The following PPM1G variants were observed in gnomAD, a reference collection of about 807,000 sequenced individuals.
PPM1G encodes protein phosphatase 1G.
PPM1G carries 12 observed loss-of-function variants against 59.4 expected under a neutral mutation model. The ratio of observed to expected loss-of-function variants is 0.20; its 90% CI spans 0.13 to 0.33. The LOEUF (loss-of-function observed/expected upper bound fraction) is 0.33. Among genes scored for constraint, PPM1G ranks in the 10% least tolerant of loss-of-function variants. The pLI is 1.00. For missense variants in PPM1G, 392 were observed against 681.3 expected (o/e 0.58, Z 4.73); for synonymous variants, 245 against 251.9 (o/e 0.97, Z 0.26).
intron 1 of PPM1G, among the ~76,000 whole-genome samples, chr2:27,390,559 C>A (rs1185506076): frequency 6.6e-6 from 1 of 152,096 alleles, no homozygotes; most frequent in Non-Finnish European, 1.5e-5. Flanking sequence ...ATCTCAACAA[C>A]AACAACAACA....
Position 27,383,352 on chromosome 2 carries a change from T to A in PPM1G, c.1201+14A>T. 6.2e-7 allele frequency: 1 copy of A among 1,610,744 alleles called. No homozygotes were observed. Among genetic ancestry groups the A allele is most frequent in the Non-Finnish European group, 8.5e-7 (1 of 1,177,014 alleles). On this transcript the variant is annotated intron_variant, in intron 7 of 9. Transcript: ENST00000344034. The surrounding 1 kb of genome is among the most constrained non-coding windows in gnomAD (Gnocchi z 5.0). ...AAAGACCCTAGAAGTCTTTCCCAGT[T>A]TCTTGGCCCTTACCAATGGCTCTGG...
At chr2:27,396,225 T>C (rs1042977378) in intron 1 of PPM1G, among the ~76,000 whole-genome samples, 3 of 151,922 alleles carry the variant, frequency 2.0e-5, no homozygotes, top group Admixed American at 6.6e-5. Context: ...TGAGCAGAGA[T>C]GGTGCCACTG....
At position 27,382,231 on chromosome 2, in the gene PPM1G, G is replaced by C; in HGVS notation, c.1332-3C>G. On this transcript the variant is annotated splice_polypyrimidine_tract_variant and splice_region_variant and intron_variant, in intron 8 of 9. Coordinates refer to ENST00000344034, the MANE Select transcript of PPM1G (RefSeq NM_177983.3). This position sits in a 1 kb window ranked among gnomAD's most constrained non-coding sequence, Gnocchi z 4.2. ...CTTCCTGGCTGCTCATCACATTCCTGGGGTCAAGAACAACAGTCAGAATCT... is the reference window on the plus strand; with the variant it reads ...CTTCCTGGCTGCTCATCACATTCCTCGGGTCAAGAACAACAGTCAGAATCT... 1 of 1,613,616 alleles carries C rather than the reference G, an allele frequency of 6.2e-7. No homozygotes were observed. Among genetic ancestry groups the C allele is most frequent in the Non-Finnish European group, 8.5e-7 (1 of 1,179,542 alleles).
At position 27,383,026 on chromosome 2, in the gene PPM1G, G is replaced by T. The variant is rs1366178326; in HGVS notation, c.1201+340C>A. ...TTTTTTTTTTTTTTTAGTAGAGATG[G>T]GGTTTCACCATGTTGGCCAGGCTGG... On this transcript the variant is annotated intron_variant, in intron 7 of 9. Transcript: ENST00000344034. This position sits in a 1 kb window ranked among gnomAD's most constrained non-coding sequence, Gnocchi z 5.0. Among the ~76,000 whole-genome samples the T allele has an allele frequency of 6.6e-6, 1 of 151,294 alleles. No individual in the cohort carries two copies. The highest frequency in any genetic ancestry group is 6.6e-5 in the Admixed American group (1 of 15,198).
At position 27,409,459 on chromosome 2, in the gene PPM1G, C is replaced by G. The variant is rs952746005; in HGVS notation, c.-37G>C. 2 of 1,470,600 alleles carry G rather than the reference C, an allele frequency of 1.4e-6. No individual in the cohort carries two copies. The highest frequency in any genetic ancestry group is 3.0e-5 in the East Asian group (1 of 33,776). 91.1% of individuals were successfully genotyped at this position (1,470,600 alleles called of 1,614,324 possible). A position where few individuals can be genotyped will look rare whatever the true frequency, so the allele number is the denominator to read the frequency against. The stretch of plus-strand genomic sequence containing the variant: ...GCCGGCGGCCTCAGGTGCAGGAAAG[C>G]TGGGCGCGACCCGTGCCGGAGCCGA... On this transcript the variant is annotated 5_prime_UTR_variant, in exon 1 of 10. Transcript: ENST00000344034.
intron 1 of PPM1G, among the ~76,000 whole-genome samples, chr2:27,399,151 A>G (rs1684123366): frequency 6.6e-6 from 1 of 151,694 alleles, no homozygotes; most frequent in Non-Finnish European, 1.5e-5. Context: ...GACCAAAACA[A>G]CAACAACAAC....
rs1356636244 is a variant in PPM1G, at chr2:27,382,282, G to A, written c.1332-54C>T. 1.9e-6 allele frequency: 3 copies of A among 1,586,926 alleles called. No homozygotes were observed. The highest frequency in any genetic ancestry group is 8.7e-7 in the Non-Finnish European group (1 of 1,155,788). On this transcript the variant is annotated intron_variant, in intron 8 of 9. Transcript: ENST00000344034. The surrounding 1 kb of genome is among the most constrained non-coding windows in gnomAD (Gnocchi z 4.2). ...TCCAGTCTCACTAAGGCAGCGTAGA[G>A]GAGTATGGACAGAGGTGGTGGCCCA...
chr2:27,406,040 C>G (rs1663354727), intron 1 of PPM1G, among the ~76,000 whole-genome samples: 1 of 152,000 alleles, frequency 6.6e-6, no homozygotes, highest in Non-Finnish European at 1.5e-5. Context: ...ACAACAACAC[C>G]CTGGTCACAC....
intron 1 of PPM1G, 30 bp downstream of exon 1, chr2:27,409,273 C>A (rs1348278273): frequency 6.5e-7 from 1 of 1,545,814 alleles, no homozygotes; most frequent in Non-Finnish European, 8.7e-7. Flanking sequence ...CGCCCCGCAG[C>A]GGCCAGCCTA....
At chr2:27,405,774 G>A (rs1364896599) in intron 1 of PPM1G, among the ~76,000 whole-genome samples, 4 of 151,680 alleles carry the variant, frequency 2.6e-5, no homozygotes, top group Non-Finnish European at 5.9e-5. Flanking sequence ...AGGCAGAGGC[G>A]GGCCGATCAC....
Position 27,383,285 on chromosome 2 carries a change from A to G in PPM1G, c.1201+81T>C. Reference sequence around the variant, plus strand: ...AAGTGCTTTGAAAGGCACAAGCACTAGGAAGATTAAAGTTTGCTACTAGGT... The same window carrying G: ...AAGTGCTTTGAAAGGCACAAGCACTGGGAAGATTAAAGTTTGCTACTAGGT... On this transcript the variant is annotated intron_variant, in intron 7 of 9. Coordinates refer to ENST00000344034, the MANE Select transcript of PPM1G (RefSeq NM_177983.3). The surrounding 1 kb of genome is among the most constrained non-coding windows in gnomAD (Gnocchi z 5.0). The G allele has an allele frequency of 7.9e-7, 1 of 1,263,282 alleles. No individual in the cohort carries two copies. The highest frequency in any genetic ancestry group is 1.1e-6 in the Non-Finnish European group (1 of 875,418). The allele number at this position is 1,263,282 out of a possible 1,614,324, so 78.3% of individuals were successfully genotyped here.
At chr2:27,396,140 C>T (rs753923366) in intron 1 of PPM1G, among the ~76,000 whole-genome samples, 33 of 152,040 alleles carry the variant, frequency 2.2e-4, no homozygotes, top group Non-Finnish European at 1.2e-4. Flanking sequence ...GGTGTTGTGG[C>T]GAGCACCTGT....
chr2:27,390,445 G>A (rs1330355788), intron 1 of PPM1G, among the ~76,000 whole-genome samples: 16 of 152,054 alleles, frequency 1.1e-4, no homozygotes, highest in Admixed American at 7.2e-4. Context: ...CCAAATAGCC[G>A]TTTTGGCAAT....
chr2:27,403,007 C>T (rs1288813062), intron 1 of PPM1G, among the ~76,000 whole-genome samples: 2 of 151,010 alleles, frequency 1.3e-5, no homozygotes, highest in Non-Finnish European at 2.9e-5. Flanking sequence ...GAAGGCTATG[C>T]AGTGAACTAT....
chr2:27,390,672 T>C (rs1329347640), intron 1 of PPM1G, among the ~76,000 whole-genome samples: 2 of 152,226 alleles, frequency 1.3e-5, no homozygotes, highest in Non-Finnish European at 2.9e-5. Context: ...ATGTTTATTT[T>C]AGAATCACAG....
At position 27,385,149 on chromosome 2, in the gene PPM1G, T is replaced by G; in HGVS notation, c.410-61A>C. On this transcript the variant is annotated intron_variant, in intron 4 of 9. Transcript: ENST00000344034. The surrounding 1 kb of genome is among the most constrained non-coding windows in gnomAD (Gnocchi z 4.1). ...AGACTCCTCATGGGATCCGTCCCTC[T>G]CACTACCTCAACAGCCCTTGCAGCC... 1 of 1,505,478 alleles carries G rather than the reference T, an allele frequency of 6.6e-7. No homozygotes were observed. The highest frequency in any genetic ancestry group is 8.8e-7 in the Non-Finnish European group (1 of 1,132,620). The allele number at this position is 1,505,478 out of a possible 1,614,324, so 93.3% of individuals were successfully genotyped here. A position where few individuals can be genotyped will look rare whatever the true frequency, so the allele number is the denominator to read the frequency against.
chr2:27,407,921 C>T (rs1340886766), intron 1 of PPM1G, among the ~76,000 whole-genome samples: 1 of 152,082 alleles, frequency 6.6e-6, no homozygotes, highest in South Asian at 2.1e-4. Context: ...GTGGCACATG[C>T]CTGTAATCCC....
intron 1 of PPM1G, among the ~76,000 whole-genome samples, chr2:27,406,638 G>A (rs548976713): frequency 6.6e-6 from 1 of 152,236 alleles, no homozygotes; most frequent in South Asian, 2.1e-4. Flanking sequence ...TCTAATTGAG[G>A]AGAAACCAAA....
At chr2:27,392,870 T>C (rs1205464917) in intron 1 of PPM1G, 2 of 1,450,692 alleles carry the variant, frequency 1.4e-6, no homozygotes, top group South Asian at 1.1e-5. Context: ...ATCTCGTGCA[T>C]GTTGGTCACG....
Sources: allele counts gnomAD v4.1 joint callset (sites outside exome capture counted in the v4.1 genomes callset), GRCh38; gene constraint gnomAD v4.1.1; non-coding constraint Gnocchi (gnomAD v3.1); transcripts MANE v1.5; gene names NCBI Gene and HGNC (gene_info 2026-07-23, HGNC 2026-07-21).